The following SGCZ variants were observed in gnomAD, a reference collection of about 807,000 sequenced individuals.
SGCZ encodes the protein sarcoglycan zeta.
SGCZ carries 40 observed loss-of-function variants against 41.3 expected under a neutral mutation model. That is an observed-to-expected ratio of 0.97 (90% CI 0.75 to 1.26). The LOEUF (loss-of-function observed/expected upper bound fraction) is 1.26, where lower values mean the gene tolerates loss of function less well. SGCZ is among the 50% of genes most tolerant of loss of function. SGCZ has a pLI of 0.00. For synonymous variants in SGCZ, 206 were observed against 137.5 expected, an observed-to-expected ratio of 1.50 and a Z score of -3.49; for missense variants, 552 against 369.8, an observed-to-expected ratio of 1.49 and a Z score of -4.04.
intron 1 of SGCZ, among the ~76,000 whole-genome samples, chr8:14,800,161 T>G (rs1801274257): frequency 6.6e-6 from 1 of 152,156 alleles, no homozygotes; most frequent in African/African-American, 2.4e-5. Context: ...TTGCCTCCTT[T>G]TTTTCATGGC....
chr8:14,673,711 T>G (rs938312272), intron 1 of SGCZ, among the ~76,000 whole-genome samples: 2 of 152,052 alleles, frequency 1.3e-5, no homozygotes, highest in Non-Finnish European at 2.9e-5. Flanking sequence ...CTTGAATAAA[T>G]GAACGAATAA....
intron 2 of SGCZ, among the ~76,000 whole-genome samples, chr8:14,411,096 T>G (rs923107920): frequency 6.6e-6 from 1 of 152,112 alleles, no homozygotes; most frequent in African/African-American, 2.4e-5. Flanking sequence ...ACTATGAAAT[T>G]AAAATATCAT....
intron 7 of SGCZ, among the ~76,000 whole-genome samples, chr8:14,098,672 G>A (rs1427274175): frequency 6.6e-6 from 1 of 152,142 alleles, no homozygotes; most frequent in African/African-American, 2.4e-5. Context: ...AATATTAAAA[G>A]CTGGTGTTTT....
chr8:14,919,162 G>A (rs1472455292), intron 1 of SGCZ, among the ~76,000 whole-genome samples: 1 of 152,206 alleles, frequency 6.6e-6, no homozygotes, highest in Non-Finnish European at 1.5e-5. Context: ...ATTAAGGCCA[G>A]GCGAGGTGGC....
At chr8:14,653,528 A>G (rs1278624083) in intron 1 of SGCZ, among the ~76,000 whole-genome samples, 2 of 152,142 alleles carry the variant, frequency 1.3e-5, no homozygotes, top group East Asian at 1.9e-4. Flanking sequence ...TGTTTAAAAA[A>G]CAAACAACAA....
intron 1 of SGCZ, among the ~76,000 whole-genome samples, chr8:15,176,449 T>G (rs1800003621): frequency 3.3e-5 from 5 of 152,218 alleles, no homozygotes; most frequent in Admixed American, 3.3e-4. Context: ...TTAAAGACTT[T>G]CTATGTTTAG....
At chr8:14,141,252 C>T (rs1181208775) in intron 5 of SGCZ, among the ~76,000 whole-genome samples, 5 of 152,174 alleles carry the variant, frequency 3.3e-5, no homozygotes, top group Non-Finnish European at 5.9e-5. Context: ...AGGACACAGG[C>T]ATGGGCAAGA....
At chr8:14,450,868 T>C (rs1258848398) in intron 2 of SGCZ, among the ~76,000 whole-genome samples, 2 of 152,138 alleles carry the variant, frequency 1.3e-5, no homozygotes, top group African/African-American at 2.4e-5. Flanking sequence ...TCTTCAAGGA[T>C]ACTACAAAAG....
chr8:14,544,262 G>A (rs1467923246), intron 2 of SGCZ, among the ~76,000 whole-genome samples: 2 of 152,058 alleles, frequency 1.3e-5, no homozygotes, highest in South Asian at 2.1e-4. Context: ...CATAAGCTGA[G>A]GATGTACATC....
chr8:15,082,082 A>T (rs182803150), intron 1 of SGCZ, among the ~76,000 whole-genome samples: 3 of 152,038 alleles, frequency 2.0e-5, no homozygotes, highest in Non-Finnish European at 4.4e-5. Flanking sequence ...TACAAAAATT[A>T]GCTGGGCATG....
chr8:14,230,764 G>GGA (rs1806535534), intron 4 of SGCZ, among the ~76,000 whole-genome samples: 1 of 77,104 alleles, frequency 1.3e-5, no homozygotes, highest in Admixed American at 1.3e-4. Context: ...TTTTGGTGGT[G>GGA]GTGGGGGGGT....
At chr8:14,233,915 C>T (rs1044296823) in intron 4 of SGCZ, among the ~76,000 whole-genome samples, 3 of 151,824 alleles carry the variant, frequency 2.0e-5, no homozygotes. Flanking sequence ...GGATGTTGTA[C>T]TTTCTTTAAC....
chr8:14,626,684 T>C (rs2117385412), intron 1 of SGCZ, among the ~76,000 whole-genome samples: 1 of 152,208 alleles, frequency 6.6e-6, no homozygotes, highest in Non-Finnish European at 1.5e-5. Flanking sequence ...AGATTGGAGC[T>C]TATGCTACCA....
intron 1 of SGCZ, among the ~76,000 whole-genome samples, chr8:15,235,764 C>A (rs985541331): frequency 6.6e-6 from 1 of 152,196 alleles, no homozygotes; most frequent in East Asian, 1.9e-4. Flanking sequence ...TTTCTCCCTT[C>A]CATTTCTCTT....
chr8:15,001,761 GGAGTT>G (rs1802430759), intron 1 of SGCZ, among the ~76,000 whole-genome samples: 1 of 147,960 alleles, frequency 6.8e-6, no homozygotes, highest in Non-Finnish European at 1.5e-5. Flanking sequence ...AGAGAAAAAA[GGAGTT>G]GAGTGTAATA....
At chr8:15,139,133 GGCTTGGCTGTTCTCCAGTT>G (rs1399628883) in intron 1 of SGCZ, among the ~76,000 whole-genome samples, 6 of 152,120 alleles carry the variant, frequency 3.9e-5, no homozygotes, top group Non-Finnish European at 8.8e-5. Flanking sequence ...CTTTGCTGAG[GGCTTGGCTGTTCTCCAGTT>G]CCTGCTGCTA....
chr8:14,098,648 G>T (rs1046134712), intron 7 of SGCZ, among the ~76,000 whole-genome samples: 1 of 152,158 alleles, frequency 6.6e-6, no homozygotes, highest in African/African-American at 2.4e-5. Flanking sequence ...TGGGAGTTGA[G>T]TTCACCTTGA....
chr8:14,493,293 T>C (rs1259069017), intron 2 of SGCZ, among the ~76,000 whole-genome samples: 1 of 151,048 alleles, frequency 6.6e-6, no homozygotes, highest in East Asian at 1.9e-4. Flanking sequence ...TCCTTAAATG[T>C]AAAATACTTC....
At chr8:15,118,088 T>C (rs17471544) in intron 1 of SGCZ, among the ~76,000 whole-genome samples, 2 of 152,148 alleles carry the variant, frequency 1.3e-5, no homozygotes, top group Non-Finnish European at 2.9e-5. Flanking sequence ...AGCACTTTGA[T>C]ATTTAGTTGC....
Sources: allele counts gnomAD v4.1 joint callset (sites outside exome capture counted in the v4.1 genomes callset), GRCh38; gene constraint gnomAD v4.1.1; transcripts MANE v1.5; gene names NCBI Gene and HGNC (gene_info 2026-07-23, HGNC 2026-07-21).